The following DOCK3 variants were observed in gnomAD, a reference collection of about 807,000 sequenced individuals.
DOCK3 encodes the protein dedicator of cytokinesis 3.
DOCK3 carries 60 observed loss-of-function variants against 265.6 expected under a neutral mutation model. The observed-to-expected ratio is 0.23, with a 90% CI of 0.18 to 0.28. The LOEUF (loss-of-function observed/expected upper bound fraction) is 0.28, where lower values mean the gene tolerates loss of function less well. Ranked by LOEUF, DOCK3 falls within the 10% of genes least tolerant of loss-of-function variation. DOCK3 has a pLI of 1.00. For synonymous variants in DOCK3, 881 were observed against 938.0 expected (o/e 0.94, Z 1.11); for missense variants, 1,981 against 2,594.3 (o/e 0.76, Z 5.14).
At chr3:50,744,532 T>C (rs932032762) in intron 1 of DOCK3, among the ~76,000 whole-genome samples, 2 of 151,960 alleles carry the variant, frequency 1.3e-5, no homozygotes, top group Non-Finnish European at 2.9e-5. Context: ...CATCCCAAGC[T>C]TGGGTTATCC....
At chr3:51,298,008 T>A (rs1401822672) in intron 27 of DOCK3, among the ~76,000 whole-genome samples, 1 of 152,094 alleles carries the variant, frequency 6.6e-6, no homozygotes, top group South Asian at 2.1e-4. Flanking sequence ...AGAGTAGATA[T>A]AATGAAGAAG....
intron 2 of DOCK3, among the ~76,000 whole-genome samples, chr3:50,788,554 C>T (rs565108867): frequency 6.6e-5 from 10 of 152,332 alleles, no homozygotes; most frequent in African/African-American, 2.2e-4. Flanking sequence ...CAGCCACCTC[C>T]ACCGCCTAGA....
chr3:51,179,447 C>T (rs1051894784), intron 12 of DOCK3, among the ~76,000 whole-genome samples: 1 of 152,088 alleles, frequency 6.6e-6, no homozygotes, highest in East Asian at 1.9e-4. Context: ...TTAACAATTT[C>T]GAGTAAACTA....
At chr3:51,303,107 T>A (rs2082446261) in intron 27 of DOCK3, among the ~76,000 whole-genome samples, 1 of 147,968 alleles carries the variant, frequency 6.8e-6, no homozygotes, top group Non-Finnish European at 1.5e-5. Flanking sequence ...TTTTGTTTGT[T>A]CCTTTTCATT....
intron 32 of DOCK3, among the ~76,000 whole-genome samples, chr3:51,315,695 A>T (rs909269912): frequency 1.3e-5 from 2 of 152,166 alleles, no homozygotes; most frequent in African/African-American, 4.8e-5. Context: ...ACCAGGACCA[A>T]TAGGGGCTAA....
At chr3:50,948,371 G>C (rs564924185) in intron 5 of DOCK3, among the ~76,000 whole-genome samples, 2 of 137,886 alleles carry the variant, frequency 1.5e-5, no homozygotes, top group Non-Finnish European at 3.2e-5. Flanking sequence ...GATATTTTTT[G>C]TGTGTAGAAA....
At chr3:51,355,962 T>C in intron 41 of DOCK3, 127 bp from the exon 42 acceptor site, 1 of 1,169,916 alleles carries the variant, frequency 8.5e-7, no homozygotes, top group Non-Finnish European at 1.2e-6. Context: ...TGCCACTGCC[T>C]CCCCTACTGG....
At chr3:50,751,940 G>T (rs1383571905) in intron 1 of DOCK3, among the ~76,000 whole-genome samples, 1 of 152,026 alleles carries the variant, frequency 6.6e-6, no homozygotes, top group African/African-American at 2.4e-5. Flanking sequence ...CACAAGACCC[G>T]CATGGGGGAA....
chr3:50,788,081 T>G, intron 2 of DOCK3: 1 of 753,468 alleles, frequency 1.3e-6, no homozygotes, highest in South Asian at 1.7e-5. Context: ...GAGATGTAGT[T>G]TGCTCATCTT....
At chr3:50,838,231 G>T (rs970961530) in intron 2 of DOCK3, among the ~76,000 whole-genome samples, 1 of 152,122 alleles carries the variant, frequency 6.6e-6, no homozygotes, top group African/African-American at 2.4e-5. Context: ...AGGTAGAAGG[G>T]ATAGAAGACC....
chr3:50,883,694 A>G (rs1490831749), intron 3 of DOCK3, among the ~76,000 whole-genome samples: 1 of 152,186 alleles, frequency 6.6e-6, no homozygotes, highest in Non-Finnish European at 1.5e-5. Flanking sequence ...ATTTTCATTG[A>G]AAATTATAGA....
chr3:50,867,759 A>T (rs1329408595), intron 3 of DOCK3, among the ~76,000 whole-genome samples: 1 of 152,172 alleles, frequency 6.6e-6, no homozygotes, highest in Non-Finnish European at 1.5e-5. Flanking sequence ...CCATCCTTCC[A>T]TCCCAGGGAT....
At chr3:51,195,365 C>G (rs192113525) in intron 12 of DOCK3, among the ~76,000 whole-genome samples, 7 of 152,040 alleles carry the variant, frequency 4.6e-5, no homozygotes, top group African/African-American at 1.7e-4. Flanking sequence ...TGAGTTCTTT[C>G]TCTGTGTGAT....
chr3:50,889,586 TTCACTCCTGTGAATATTAATGTTAGC>T (rs2048545522), intron 3 of DOCK3, among the ~76,000 whole-genome samples: 1 of 151,982 alleles, frequency 6.6e-6, no homozygotes, highest in African/African-American at 2.4e-5. Flanking sequence ...CTTGAATTGA[TTCACTCCTGTGAATATTAATGTTAGC>T]TAGAGTCTGA....
intron 14 of DOCK3, among the ~76,000 whole-genome samples, chr3:51,218,681 A>T (rs953190505): frequency 1.3e-5 from 2 of 152,224 alleles, no homozygotes; most frequent in Non-Finnish European, 2.9e-5. Context: ...TGTAGGTGAT[A>T]TGAGCCAAAT....
chr3:50,950,105 G>A (rs916244927), intron 5 of DOCK3, among the ~76,000 whole-genome samples: 15 of 147,270 alleles, frequency 1.0e-4, no homozygotes, highest in Non-Finnish European at 1.5e-5. Flanking sequence ...AATTCTATTT[G>A]GTTATTTTTC....
intron 24 of DOCK3, among the ~76,000 whole-genome samples, chr3:51,273,458 T>C (rs1443849007): frequency 6.6e-6 from 1 of 152,230 alleles, no homozygotes; most frequent in Non-Finnish European, 1.5e-5. Flanking sequence ...AGCACTGGTA[T>C]TCTCAAAGTA....
intron 2 of DOCK3, among the ~76,000 whole-genome samples, chr3:50,832,808 A>G (rs926697470): frequency 6.6e-6 from 1 of 152,118 alleles, no homozygotes; most frequent in African/African-American, 2.4e-5. Context: ...ATTCCTGCCT[A>G]ACTATCAGGG....
intron 4 of DOCK3, among the ~76,000 whole-genome samples, chr3:50,901,946 C>G (rs1447951744): frequency 1.3e-5 from 2 of 152,152 alleles, no homozygotes; most frequent in African/African-American, 4.8e-5. Context: ...AAGAAAGCAG[C>G]TATTCTTCTT....
Sources: allele counts gnomAD v4.1 joint callset (sites outside exome capture counted in the v4.1 genomes callset), GRCh38; gene constraint gnomAD v4.1.1; transcripts MANE v1.5; gene names NCBI Gene and HGNC (gene_info 2026-07-23, HGNC 2026-07-21).